The following KNDC1 variants were observed in gnomAD, a reference collection of about 807,000 sequenced individuals.
The protein encoded by KNDC1 is kinase non-catalytic C-lobe domain-containing protein 1.
Under a neutral mutation model 172.8 loss-of-function variants are expected in KNDC1, and 106 were observed. The observed-to-expected ratio is 0.61, with a 90% CI of 0.52 to 0.72. The LOEUF (loss-of-function observed/expected upper bound fraction) is 0.72. Ranked by LOEUF, KNDC1 falls within the 30% of genes least tolerant of loss-of-function variation. The probability of loss-of-function intolerance (pLI) is 0.00; values close to 1 mark genes in which losing one functional copy is unlikely to be tolerated. For synonymous variants in KNDC1, 1,083 were observed against 1,062.2 expected, an observed-to-expected ratio of 1.02 and a Z score of -0.38; for missense variants, 2,325 against 2,394.5, an observed-to-expected ratio of 0.97 and a Z score of 0.61.
At position 133,163,092 on chromosome 10, in the gene KNDC1, G is replaced by T. The variant is rs1853028685; in HGVS notation, c.102+2523G>T. The stretch of plus-strand genomic sequence containing the variant: ...TTCAGTCACTGTGGATGGGGGTATG[G>T]GATCTGAGGCAGAACAGTGCAATCC... On this transcript the variant is annotated intron_variant, in intron 1 of 29. Coordinates refer to ENST00000304613, the MANE Select transcript of KNDC1 (RefSeq NM_152643.8). This position sits in a 1 kb window ranked among gnomAD's most constrained non-coding sequence, Gnocchi z 4.4. Among the ~76,000 whole-genome samples, 1 of 152,196 alleles carries T rather than the reference G, an allele frequency of 6.6e-6. No homozygotes were observed. The highest frequency in any genetic ancestry group is 2.1e-4 in the South Asian group (1 of 4,828).
intron 12 of KNDC1, among the ~76,000 whole-genome samples, chr10:133,198,130 G>A (rs536222271): frequency 3.3e-5 from 5 of 152,172 alleles, no homozygotes; most frequent in South Asian, 4.1e-4. Context: ...TTGCTGGCCC[G>A]TCCCCGCCTG....
intron 5 of KNDC1, among the ~76,000 whole-genome samples, chr10:133,184,453 AC>A (rs1368631828): frequency 6.6e-6 from 1 of 152,224 alleles, no homozygotes; most frequent in Non-Finnish European, 1.5e-5. Context: ...ACGTATTCAC[AC>A]ACTGACAGTC....
intron 20 of KNDC1, among the ~76,000 whole-genome samples, chr10:133,207,564 G>T (rs1229691658): frequency 6.6e-6 from 1 of 152,262 alleles, no homozygotes; most frequent in Non-Finnish European, 1.5e-5. Flanking sequence ...GTGGGCCTGG[G>T]CACCAGGTCT....
intron 12 of KNDC1, among the ~76,000 whole-genome samples, 166 bp downstream of exon 12, chr10:133,197,934 C>T (rs1246350693): frequency 2.0e-5 from 3 of 152,248 alleles, no homozygotes; most frequent in African/African-American, 7.2e-5. Context: ...CCTGCCCCTG[C>T]CAGCCCCCAT....
chr10:133,211,792 CGAG>C lies in KNDC1; in HGVS notation c.4176_4178del (p.Glu1392del). The C allele has an allele frequency of 1.9e-6, 3 of 1,610,808 alleles. No homozygotes were observed. Among genetic ancestry groups the C allele is most frequent in the Non-Finnish European group, 2.5e-6 (3 of 1,179,354 alleles). Reference sequence around the variant, plus strand: ...CAGACCTGGAGAACCCCAGGGAGGCCGAGGAGGATGCCAGACCCTTCAACGCCC... The same window carrying C: ...CAGACCTGGAGAACCCCAGGGAGGCCGAGGATGCCAGACCCTTCAACGCCC... On this transcript the variant is annotated inframe_deletion, in exon 23 of 30. Transcript: ENST00000304613.
At chr10:133,214,284 G>A (rs1367030200) in intron 26 of KNDC1, among the ~76,000 whole-genome samples, 162 bp downstream of exon 26, 2 of 152,206 alleles carry the variant, frequency 1.3e-5, no homozygotes, top group Non-Finnish European at 2.9e-5. Context: ...AGGGGAGCAG[G>A]GCACAGGCTT....
chr10:133,162,273 C>CT (rs1481954347), intron 1 of KNDC1, among the ~76,000 whole-genome samples: 1 of 147,206 alleles, frequency 6.8e-6, no homozygotes, highest in Non-Finnish European at 1.5e-5. Context: ...ACGTGTTTGG[C>CT]TTGGAAGGTT....
At chr10:133,213,520 G>T in intron 24 of KNDC1, 125 bp from the exon 25 acceptor site, 1 of 752,856 alleles carries the variant, frequency 1.3e-6, no homozygotes, top group East Asian at 2.7e-5. Flanking sequence ...ACTGTTAGAT[G>T]GGTATTGAAC....
At chr10:133,205,008 C>CCACCACCCTCCTCGCCCCCAGAAT (rs1845147526) in intron 17 of KNDC1, among the ~76,000 whole-genome samples, 1 of 144,596 alleles carries the variant, frequency 6.9e-6, no homozygotes, top group Non-Finnish European at 1.5e-5. Flanking sequence ...CACCCCAGAA[C>CCACCACCCTCCTCGCCCCCAGAAT]CACCACCCTC....
rs548253523 is a variant in KNDC1, at chr10:133,209,982, C to A, written c.3795-629C>A. ...CCAGTGAAGACCCAGAACCTTTGAG[C>A]GTGCAGCATTGCGCCCGGTCCCGAG... On this transcript the variant is annotated intron_variant, in intron 20 of 29. Transcript: ENST00000304613. The surrounding 1 kb of genome is among the most constrained non-coding windows in gnomAD (Gnocchi z 4.9). 5.9e-5 allele frequency among the ~76,000 whole-genome samples: 9 copies of A among 152,248 alleles called. No individual in the cohort carries two copies. Among genetic ancestry groups the A allele is most frequent in the African/African-American group, 2.2e-4 (9 of 41,544 alleles).
intron 16 of KNDC1, 152 bp downstream of exon 16, chr10:133,200,612 G>A (rs572323779): frequency 8.2e-5 from 50 of 610,776 alleles, no homozygotes; most frequent in Non-Finnish European, 1.2e-4. Context: ...GCCAAAGGCC[G>A]CCCTCTCCTG....
intron 17 of KNDC1, among the ~76,000 whole-genome samples, chr10:133,206,264 G>A (rs1845188871): frequency 6.6e-6 from 1 of 152,268 alleles, no homozygotes; most frequent in South Asian, 2.1e-4. Context: ...CACACGGGAT[G>A]CACGTTGGGG....
intron 26 of KNDC1, among the ~76,000 whole-genome samples, chr10:133,216,847 C>G (rs78802702): frequency 6.6e-6 from 1 of 152,276 alleles, no homozygotes; most frequent in South Asian, 2.1e-4. Context: ...ACTTATTCAG[C>G]CTTAACAGGA....
At chr10:133,204,987 C>G (rs929271234) in intron 17 of KNDC1, among the ~76,000 whole-genome samples, 5 of 152,318 alleles carry the variant, frequency 3.3e-5, no homozygotes, top group Non-Finnish European at 7.4e-5. Context: ...CCCAAGACTT[C>G]CCAGACCCCT....
Position 133,186,376 on chromosome 10 carries a change from A to G in KNDC1, c.1028A>G (p.Lys343Arg), listed in dbSNP as rs752559447. The change falls in exon 6 of 30, where the codon AAG (lysine) becomes AGG (arginine). Residue 343 changes from lysine (K) to arginine (R), a missense_variant. Lys to Arg is a conservative substitution (Grantham distance 26). Transcript: ENST00000304613. The part of the protein sequence containing the change: ...ISELFSPDPR[K>R]AFLDRKNGLS... Reference sequence around the variant, plus strand: ...GAATTATTCTCTCCGGACCCCAGGAAGGCCTTTCTGGACAGGAAAAATGGC... The same window carrying G: ...GAATTATTCTCTCCGGACCCCAGGAGGGCCTTTCTGGACAGGAAAAATGGC... 1.2e-6 allele frequency: 2 copies of G among 1,612,674 alleles called. No homozygotes were observed. The highest frequency in any genetic ancestry group is 3.3e-5 in the Admixed American group (2 of 59,992).
intron 26 of KNDC1, 101 bp downstream of exon 26, chr10:133,214,223 T>C (rs1845432199): frequency 7.8e-7 from 1 of 1,278,724 alleles, no homozygotes. Context: ...CCTCTCCCAA[T>C]GCAGTGAACC....
chr10:133,214,717 G>A (rs932635566), intron 26 of KNDC1, among the ~76,000 whole-genome samples: 2 of 152,264 alleles, frequency 1.3e-5, no homozygotes, highest in African/African-American at 4.8e-5. Flanking sequence ...TCCGTGGTCT[G>A]ACCAAGGTCA....
At chr10:133,197,227 G>A in intron 11 of KNDC1, 92 bp downstream of exon 11, 2 of 979,076 alleles carry the variant, frequency 2.0e-6, no homozygotes, top group Non-Finnish European at 3.2e-6. Context: ...GCTCCCGGCA[G>A]CCCCACACCC....
chr10:133,198,424 A>G lies in KNDC1; in HGVS notation c.1994A>G (p.Gln665Arg). 1 of 1,602,006 alleles carries G rather than the reference A, an allele frequency of 6.2e-7. No individual in the cohort carries two copies. The highest frequency in any genetic ancestry group is 1.7e-5 in the Admixed American group (1 of 58,698). The change falls in exon 13 of 30, where the codon CAG (glutamine) becomes CGG (arginine). Residue 665 changes from glutamine to arginine, a missense_variant. Coordinates refer to ENST00000304613, the MANE Select transcript of KNDC1 (RefSeq NM_152643.8). ...CACCCCTGCGGTGAAGAAGCCACCC[A>G]GCTGCCTGCAGCGTTCACCTCCGAG... ...GQHPCGEEAT[Q>R]LPAAFTSEAT...
Sources: allele counts gnomAD v4.1 joint callset (sites outside exome capture counted in the v4.1 genomes callset), GRCh38; gene constraint gnomAD v4.1.1; non-coding constraint Gnocchi (gnomAD v3.1); transcripts MANE v1.5; gene names NCBI Gene and HGNC (gene_info 2026-07-23, HGNC 2026-07-21).